Variants in OC90 observed in about 807,000 individuals in gnomAD.
The protein encoded by OC90 is otoconin-90.
OC90 carries 46 observed loss-of-function variants against 47.3 expected under a neutral mutation model. The ratio of observed to expected loss-of-function variants is 0.97; its 90% CI spans 0.77 to 1.24. OC90 has a LOEUF of 1.24. Among genes scored for constraint, OC90 ranks in the 50% most tolerant of loss-of-function variants. OC90 has a pLI of 0.00. For missense variants in OC90, 688 were observed against 583.9 expected (o/e 1.18, Z -1.84); for synonymous variants, 271 against 219.5 (o/e 1.23, Z -2.07).
At chr8:132,043,437 A>G (rs1823083298) in intron 4 of OC90, among the ~76,000 whole-genome samples, 1 of 152,260 alleles carries the variant, frequency 6.6e-6, no homozygotes, top group Non-Finnish European at 1.5e-5. Context: ...CCTAAAGTAT[A>G]CAGCAAACAA....
chr8:132,039,191 C>G (rs567297279), intron 6 of OC90, 68 bp from the exon 7 acceptor site: 1 of 1,519,688 alleles, frequency 6.6e-7, no homozygotes, highest in Admixed American at 2.0e-5. Flanking sequence ...AATGCAAGCT[C>G]CAAGACTGAG....
intron 5 of OC90, 75 bp from the exon 6 acceptor site, chr8:132,041,231 C>T: frequency 1.1e-6 from 1 of 913,714 alleles, no homozygotes; most frequent in South Asian, 1.3e-5. Context: ...CATGATCTTT[C>T]TGTGTCTCTG....
rs377587251 is a variant in OC90 at position 132,038,984 on chromosome 8, G to T, written c.586+11C>A. On this transcript the variant is annotated intron_variant, in intron 7 of 13. Coordinates refer to ENST00000254627, the MANE Select transcript of OC90 (RefSeq NM_001080399.3). ...TCAGCCCCACGGCTGATGCAGCCAGGTTCTTCCTACCTGGAGTCTGAGCCA... is the reference window on the plus strand; with the variant it reads ...TCAGCCCCACGGCTGATGCAGCCAGTTTCTTCCTACCTGGAGTCTGAGCCA... 2 of 1,613,948 alleles carry T rather than the reference G, an allele frequency of 1.2e-6. No homozygotes were observed. Among genetic ancestry groups the T allele is most frequent in the African/African-American group, 1.3e-5 (1 of 75,046 alleles).
intron 10 of OC90, among the ~76,000 whole-genome samples, chr8:132,034,226 T>C (rs1822920193): frequency 6.6e-6 from 1 of 152,232 alleles, no homozygotes; most frequent in Admixed American, 6.5e-5. Context: ...ATGTACTAGA[T>C]ACATAACCCT....
intron 6 of OC90, among the ~76,000 whole-genome samples, chr8:132,040,074 C>G (rs6471032): frequency 6.6e-6 from 1 of 152,034 alleles, no homozygotes; most frequent in Non-Finnish European, 1.5e-5. Flanking sequence ...AATACATATA[C>G]GTTGGGTGGA....
At chr8:132,039,370 T>G (rs1823020790) in intron 6 of OC90, among the ~76,000 whole-genome samples, 1 of 152,198 alleles carries the variant, frequency 6.6e-6, no homozygotes, top group Non-Finnish European at 1.5e-5. Flanking sequence ...ACATGGAGTC[T>G]GACCACATCT....
chr8:132,037,388 C>A (rs760373756), intron 9 of OC90, 50 bp downstream of exon 9: 1 of 1,459,934 alleles, frequency 6.8e-7, no homozygotes, highest in African/African-American at 1.4e-5. Flanking sequence ...TAGTCCCTCC[C>A]CACTCTCATT....
At chr8:132,025,708 C>T (rs1447804190) in intron 13 of OC90, among the ~76,000 whole-genome samples, 1 of 152,178 alleles carries the variant, frequency 6.6e-6, no homozygotes, top group African/African-American at 2.4e-5. Context: ...TCCAAGTGTA[C>T]TTTACTTTGC....
chr8:132,027,521 A>G (rs1822777520), intron 13 of OC90, among the ~76,000 whole-genome samples: 1 of 152,258 alleles, frequency 6.6e-6, no homozygotes, highest in South Asian at 2.1e-4. Flanking sequence ...AAACTCTTAT[A>G]GGGCCTCTGT....
At chr8:132,027,754 A>C (rs1822780270) in intron 13 of OC90, among the ~76,000 whole-genome samples, 1 of 152,174 alleles carries the variant, frequency 6.6e-6, no homozygotes, top group South Asian at 2.1e-4. Flanking sequence ...TACCATAGAG[A>C]GGAGTGGAGC....
At position 132,057,527 on chromosome 8, in the gene OC90, G is replaced by C. The variant is rs183527500; in HGVS notation, c.-48+1814C>G. Among the ~76,000 whole-genome samples the C allele has an allele frequency of 3.9e-5, 6 of 152,314 alleles. No individual in the cohort carries two copies. In the East Asian group the frequency reaches 1.2e-3, roughly 29 times the overall value. Reference sequence around the variant, plus strand: ...ATTGGGTGTTCTTCGATAATGGGGAGAGTTTCAGTAGGGGAAGATGAAAAA... The same window carrying C: ...ATTGGGTGTTCTTCGATAATGGGGACAGTTTCAGTAGGGGAAGATGAAAAA... On this transcript the variant is annotated intron_variant, in intron 1 of 13. Coordinates refer to ENST00000254627, the MANE Select transcript of OC90 (RefSeq NM_001080399.3).
chr8:132,041,717 AG>A lies in OC90; in HGVS notation c.170-19del. On this transcript the variant is annotated intron_variant, in intron 4 of 13. Coordinates refer to ENST00000254627, the MANE Select transcript of OC90 (RefSeq NM_001080399.3). ...CAGGCAATCTGTGGGGGTGGGGGGC[AG>A]GGCCTGATAAGCACTGGGAACTAGG... 1 of 1,504,066 alleles carries A rather than the reference AG, an allele frequency of 6.6e-7. No homozygotes were observed. Among genetic ancestry groups the A allele is most frequent in the South Asian group, 1.1e-5 (1 of 87,520 alleles). 93.2% of individuals were successfully genotyped at this position (1,504,066 alleles called of 1,614,324 possible).
intron 3 of OC90, among the ~76,000 whole-genome samples, chr8:132,044,788 C>A (rs941311004): frequency 6.6e-6 from 1 of 152,196 alleles, no homozygotes; most frequent in Non-Finnish European, 1.5e-5. Flanking sequence ...AAATCATCAT[C>A]TTGGGTCTCA....
chr8:132,053,092 C>T, intron 2 of OC90, among the ~76,000 whole-genome samples: 1 of 152,110 alleles, frequency 6.6e-6, no homozygotes, highest in Non-Finnish European at 1.5e-5. Flanking sequence ...TTCCCCTTGT[C>T]TGTTACCCTC....
intron 1 of OC90, among the ~76,000 whole-genome samples, chr8:132,058,164 G>A (rs1823300131): frequency 6.6e-6 from 1 of 152,174 alleles, no homozygotes; most frequent in South Asian, 2.1e-4. Context: ...AGAAGCACGT[G>A]GTCAGCCCTG....
At chr8:132,047,924 G>A (rs919419454) in intron 2 of OC90, among the ~76,000 whole-genome samples, 2 of 152,164 alleles carry the variant, frequency 1.3e-5, no homozygotes, top group Admixed American at 6.5e-5. Context: ...GGGCCTTTGG[G>A]AGGTGATTAG....
chr8:132,057,125 G>C (rs577049395), intron 1 of OC90, among the ~76,000 whole-genome samples: 1 of 152,360 alleles, frequency 6.6e-6, no homozygotes, highest in African/African-American at 2.4e-5. Context: ...GCCTGACATA[G>C]AGAAGTTGCT....
At chr8:132,047,062 TAC>T (rs1823143501) in intron 2 of OC90, among the ~76,000 whole-genome samples, 1 of 152,244 alleles carries the variant, frequency 6.6e-6, no homozygotes, top group African/African-American at 2.4e-5. Flanking sequence ...AACACTTCCA[TAC>T]ACACTTTCTT....
At chr8:132,038,527 G>C (rs1289935079) in intron 8 of OC90, among the ~76,000 whole-genome samples, 1 of 152,236 alleles carries the variant, frequency 6.6e-6, no homozygotes, top group African/African-American at 2.4e-5. Flanking sequence ...AATGAACTTG[G>C]GTTCTACATC....
Sources: gnomAD v4.1 joint callset for allele counts (sites outside exome capture counted in the v4.1 genomes callset) on GRCh38, gnomAD v4.1.1 for gene constraint, MANE v1.5 for transcripts, NCBI Gene and HGNC (gene_info 2026-07-23, HGNC 2026-07-21) for gene names.